The following NDC80 variants were observed in gnomAD, a reference collection of about 807,000 sequenced individuals.
NDC80 encodes NDC80 kinetochore complex component.
A neutral mutation model predicts 89.3 loss-of-function variants in NDC80; 69 were observed. The ratio of observed to expected loss-of-function variants is 0.77; its 90% confidence interval spans 0.64 to 0.94. The LOEUF (loss-of-function observed/expected upper bound fraction) is 0.94. Among genes scored for constraint, NDC80 ranks in the 40% least tolerant of loss-of-function variants. The probability of loss-of-function intolerance (pLI) is 0.00; values close to 1 mark genes in which losing one functional copy is unlikely to be tolerated. For missense variants in NDC80, 593 were observed against 739.6 expected (o/e 0.80, Z 2.30); for synonymous variants, 243 against 255.6 (o/e 0.95, Z 0.47).
intron 8 of NDC80, 113 bp downstream of exon 8, chr18:2,588,036 C>A: frequency 1.4e-6 from 1 of 709,010 alleles, no homozygotes; most frequent in Non-Finnish European, 2.3e-6. Context: ...TTAAATGTAT[C>A]TGGATGCCTA....
At chr18:2,579,098 C>A (rs1328321187) in intron 6 of NDC80, 69 bp downstream of exon 6, 4 of 914,044 alleles carry the variant, frequency 4.4e-6, no homozygotes, top group South Asian at 3.0e-5. Context: ...AATATTTTCT[C>A]TCCCAGTCTT....
At chr18:2,599,291 A>G (rs1176658709) in intron 12 of NDC80, 120 bp downstream of exon 12, 10 of 731,494 alleles carry the variant, frequency 1.4e-5, no homozygotes, top group Non-Finnish European at 1.8e-5. Context: ...CTGAAACTGT[A>G]TCTTCTTTCT....
chr18:2,574,052 G>C (rs2072533547), intron 2 of NDC80, among the ~76,000 whole-genome samples: 1 of 152,074 alleles, frequency 6.6e-6, no homozygotes, highest in Non-Finnish European at 1.5e-5. Context: ...CCTTACCTTT[G>C]ACCATTTTGT....
chr18:2,599,363 C>T (rs1281786585), intron 12 of NDC80, among the ~76,000 whole-genome samples, 192 bp downstream of exon 12: 1 of 151,974 alleles, frequency 6.6e-6, no homozygotes, highest in Non-Finnish European at 1.5e-5. Flanking sequence ...AAAATAGATG[C>T]CAGTACTATA....
At chr18:2,593,118 G>T (rs1003055350) in intron 10 of NDC80, among the ~76,000 whole-genome samples, 1 of 142,194 alleles carries the variant, frequency 7.0e-6, no homozygotes, top group Admixed American at 7.3e-5. Context: ...GCAATGGCAC[G>T]ATCTCAGTTC....
rs2072554688 is a variant in NDC80 at position 2,577,759 on chromosome 18, G to A, written c.193G>A (p.Gly65Arg). 6.2e-7 allele frequency: 1 copy of A among 1,613,876 alleles called. No individual in the cohort carries two copies. Among genetic ancestry groups the A allele is most frequent in the East Asian group, 2.2e-5 (1 of 44,860 alleles). ...SLFGKRTSGH[G>R]SRNSQLGIFS... ...ATATATTTCCAGAACTAGTGGACAT[G>A]GATCCCGGAATAGTCAACTTGGTAT... The change falls in exon 4 of 17, where the codon GGA (glycine) becomes AGA (arginine). Residue 65 changes from glycine (G) to arginine (R), a missense_variant. By Grantham distance (125) the Gly-to-Arg change is moderately radical. Coordinates refer to ENST00000261597, the MANE Select transcript of NDC80 (RefSeq NM_006101.3).
intron 16 of NDC80, among the ~76,000 whole-genome samples, chr18:2,611,748 C>G (rs1448832458): frequency 2.6e-5 from 4 of 151,876 alleles, no homozygotes; most frequent in Admixed American, 2.0e-4. Context: ...AATATATTTC[C>G]AGTTGAGTAT....
intron 6 of NDC80, among the ~76,000 whole-genome samples, chr18:2,584,698 G>A (rs1333471226): frequency 6.6e-6 from 1 of 152,084 alleles, no homozygotes; most frequent in African/African-American, 2.4e-5. Context: ...CCAGAATTGA[G>A]CTCAAAGAGA....
At position 2,616,440 on chromosome 18, in the gene NDC80, C is replaced by T; in HGVS notation, c.1795C>T (p.His599Tyr). Residue 599 changes from histidine (H) to tyrosine (Y), a missense_variant, in exon 17 of 17, where the codon CAT (histidine) becomes TAT (tyrosine). By Grantham distance (83) the His-to-Tyr change is moderately conservative (BLOSUM62 2). Coordinates refer to ENST00000261597, the MANE Select transcript of NDC80 (RefSeq NM_006101.3). The stretch of plus-strand genomic sequence containing the variant: ...AATTGTTAATTCTCTTCACTAGAAA[C>T]ATCTTGAGGAGCAGATTGCTAAAGT... The part of the protein sequence containing the change: ...VATHVGSVEK[H>Y]LEEQIAKVDR... 2 of 1,476,378 alleles carry T rather than the reference C, an allele frequency of 1.4e-6. No individual in the cohort carries two copies. Among genetic ancestry groups the T allele is most frequent in the South Asian group, 1.4e-5 (1 of 71,886 alleles). 91.5% of individuals were successfully genotyped at this position (1,476,378 alleles called of 1,614,324 possible). A position where few individuals can be genotyped will look rare whatever the true frequency, so the allele number is the denominator to read the frequency against.
At chr18:2,605,270 ATGTATGTGTGTGTGTGTGTGTG>A (rs1568010176) in intron 13 of NDC80, among the ~76,000 whole-genome samples, 61 of 98,204 alleles carry the variant, frequency 6.2e-4, no homozygotes, top group African/African-American at 2.1e-3. Flanking sequence ...GGCGGGCTAT[ATGTATGTGTGTGTGTGTGTGTG>A]TGTGTGTGTG....
At chr18:2,590,315 A>G (rs746501269) in intron 10 of NDC80, among the ~76,000 whole-genome samples, 153 bp downstream of exon 10, 15 of 152,214 alleles carry the variant, frequency 9.9e-5, no homozygotes, top group Non-Finnish European at 1.6e-4. Flanking sequence ...TTTGTTTCCT[A>G]AGGCTGCTGT....
intron 14 of NDC80, 27 bp from the exon 15 acceptor site, chr18:2,608,673 C>T: frequency 6.3e-7 from 1 of 1,598,308 alleles, no homozygotes; most frequent in Non-Finnish European, 8.6e-7. Context: ...TATCAAGAAA[C>T]CCATAACCGT....
chr18:2,580,731 ATTTTTTTTTTTTTTTT>A (rs71365186), intron 6 of NDC80, among the ~76,000 whole-genome samples: 2 of 55,418 alleles, frequency 3.6e-5, no homozygotes, highest in African/African-American at 1.0e-4. Flanking sequence ...TCACCATCAG[ATTTTTTTTTTTTTTTT>A]TTTTTTTTTT....
In NDC80 at chr18:2,595,279, A is replaced by C. The variant is rs1229438181; in HGVS notation, c.1016-137A>C. Reference sequence around the variant, plus strand: ...ATTTTTATATATACTATAAAAACATATATATAATATATATAATATATATAC... The same window carrying C: ...ATTTTTATATATACTATAAAAACATCTATATAATATATATAATATATATAC... On this transcript the variant is annotated intron_variant, in intron 10 of 16. Transcript: ENST00000261597. The C allele has an allele frequency of 1.1e-4, 11 of 99,078 alleles. No homozygotes were observed. In the East Asian group the frequency reaches 1.9e-3, roughly 17 times the overall value. The allele number at this position is 99,078 out of a possible 1,614,324, so 6.1% of individuals were successfully genotyped here.
intron 6 of NDC80, among the ~76,000 whole-genome samples, chr18:2,583,087 A>T (rs1199192668): frequency 6.6e-6 from 1 of 152,236 alleles, no homozygotes; most frequent in Non-Finnish European, 1.5e-5. Flanking sequence ...CAATATTAAG[A>T]AGTGGTGTTA....
intron 12 of NDC80, among the ~76,000 whole-genome samples, chr18:2,600,288 A>G (rs2072677747): frequency 6.6e-6 from 1 of 152,246 alleles, no homozygotes; most frequent in Non-Finnish European, 1.5e-5. Context: ...GCCAAGTGTT[A>G]TAAGTAGTAC....
intron 1 of NDC80, 87 bp from the exon 2 acceptor site, chr18:2,572,890 C>A: frequency 1.1e-6 from 1 of 907,154 alleles, no homozygotes; most frequent in Non-Finnish European, 1.7e-6. Flanking sequence ...TGAAACCTGA[C>A]TGTCTTTCTG....
At chr18:2,609,418 CT>C (rs778914487) in intron 15 of NDC80, among the ~76,000 whole-genome samples, 128 of 152,204 alleles carry the variant, frequency 8.4e-4, no homozygotes, top group Non-Finnish European at 1.3e-3. Context: ...GTCCCAGCTA[CT>C]CATGAGGCCG....
At chr18:2,607,987 ATATATATATAT>A (rs2072723347) in intron 14 of NDC80, among the ~76,000 whole-genome samples, 1 of 129,202 alleles carries the variant, frequency 7.7e-6, no homozygotes, top group Admixed American at 7.8e-5. Flanking sequence ...ATATATATAT[ATATATATATAT>A]AACTTATTTA....
Sources: gnomAD v4.1 joint callset for allele counts (sites outside exome capture counted in the v4.1 genomes callset) on GRCh38, gnomAD v4.1.1 for gene constraint, MANE v1.5 for transcripts, NCBI Gene and HGNC (gene_info 2026-07-23, HGNC 2026-07-21) for gene names.